Variants in ARMH1 observed in about 807,000 individuals in gnomAD.
The protein encoded by ARMH1 is armadillo like helical domain containing 1, also known as armadillo-like helical domain containing protein 1.
Under a neutral mutation model 50.2 loss-of-function variants are expected in ARMH1, and 34 were observed. The ratio of observed to expected loss-of-function variants is 0.68; its 90% CI spans 0.51 to 0.90. ARMH1 has a LOEUF of 0.90. ARMH1 is among the 40% of genes least tolerant of loss of function. The probability of loss-of-function intolerance (pLI) is 0.00; values close to 1 mark genes in which losing one functional copy is unlikely to be tolerated. For missense variants in ARMH1, 538 were observed against 553.9 expected, an observed-to-expected ratio of 0.97 and a Z score of 0.29; for synonymous variants, 221 against 224.2, an observed-to-expected ratio of 0.99 and a Z score of 0.13.
chr1:44,701,650 C>T lies in ARMH1; in HGVS notation c.639+531C>T, dbSNP rs541946604. Among the ~76,000 whole-genome samples, 6 of 152,110 alleles carry T rather than the reference C, an allele frequency of 3.9e-5. No homozygotes were observed. The East Asian group carries it at 7.7e-4, about 20-fold the overall frequency. On this transcript the variant is annotated intron_variant, in intron 5 of 11. Transcript: ENST00000535358. ...GTGGCTTTAAGATGAACCATCAGAC[C>T]GGGTGCAGTGGCTCAGGCCTGTAAT...
chr1:44,690,067 A>G (rs544999083), intron 2 of ARMH1, among the ~76,000 whole-genome samples, 164 bp downstream of exon 2: 6 of 152,046 alleles, frequency 3.9e-5, no homozygotes, highest in Non-Finnish European at 8.8e-5. Flanking sequence ...AAAATACAAA[A>G]ATTAGCCAGG....
rs1310435501 is a variant in ARMH1, at chr1:44,724,035, G to T, written c.725-87G>T. 22 of 1,483,828 alleles carry T rather than the reference G, an allele frequency of 1.5e-5. No individual in the cohort carries two copies. Among genetic ancestry groups the T allele is most frequent in the Non-Finnish European group, 1.8e-5 (20 of 1,106,376 alleles). 91.9% of individuals were successfully genotyped at this position (1,483,828 alleles called of 1,614,324 possible). On this transcript the variant is annotated intron_variant, in intron 6 of 11. Coordinates refer to ENST00000535358, the MANE Select transcript of ARMH1 (RefSeq NM_001145636.2). The surrounding 1 kb of genome is among the most constrained non-coding windows in gnomAD (Gnocchi z 6.4). ...ATCAGTAAAAGAGGAGGACACTGAC[G>T]AGTGGCGACTTGGTTCACGGGGTTC...
intron 1 of ARMH1, among the ~76,000 whole-genome samples, chr1:44,680,362 A>G (rs978319856): frequency 1.3e-5 from 2 of 152,188 alleles, no homozygotes. Flanking sequence ...TTTTTAGTAG[A>G]GACGGGATTT....
intron 1 of ARMH1, chr1:44,688,433 G>T (rs1245470619): frequency 6.6e-6 from 1 of 152,206 alleles, no homozygotes; most frequent in African/African-American, 2.4e-5. Flanking sequence ...TGTTAATTTA[G>T]AATCAATTTT....
At chr1:44,715,461 G>A (rs1215453286) in intron 6 of ARMH1, among the ~76,000 whole-genome samples, 1 of 152,222 alleles carries the variant, frequency 6.6e-6, no homozygotes, top group Admixed American at 6.5e-5. Context: ...AATGCTGATA[G>A]GCTGTGGATT....
intron 1 of ARMH1, among the ~76,000 whole-genome samples, chr1:44,679,638 G>A (rs2148565423): frequency 6.6e-6 from 1 of 152,336 alleles, no homozygotes; most frequent in Non-Finnish European, 1.5e-5. Flanking sequence ...CACCGCTGCT[G>A]ACATTGCTGT....
At chr1:44,694,509 C>CTTTTTTTTTT (rs10531731) in intron 2 of ARMH1, among the ~76,000 whole-genome samples, 1 of 113,678 alleles carries the variant, frequency 8.8e-6, no homozygotes, top group Non-Finnish European at 1.7e-5. Flanking sequence ...TTCTTTTTTT[C>CTTTTTTTTTT]TTTTTTTTTT....
intron 2 of ARMH1, among the ~76,000 whole-genome samples, chr1:44,693,203 G>A (rs1023960548): frequency 6.6e-6 from 1 of 152,138 alleles, no homozygotes; most frequent in Non-Finnish European, 1.5e-5. Flanking sequence ...AGTGGTCCCC[G>A]GGTTATGCTT....
intron 1 of ARMH1, chr1:44,688,103 C>A (rs2148600067): frequency 6.6e-6 from 1 of 152,386 alleles, no homozygotes; most frequent in South Asian, 2.1e-4. Flanking sequence ...CAGCCACAGC[C>A]TCCCTAGGTT....
At chr1:44,722,503 G>C (rs1424229025) in intron 6 of ARMH1, among the ~76,000 whole-genome samples, 2 of 151,262 alleles carry the variant, frequency 1.3e-5, no homozygotes, top group Non-Finnish European at 2.9e-5. Context: ...GGAGCACTTT[G>C]GGAGGCCTGA....
At chr1:44,725,100 G>A in intron 10 of ARMH1, 36 bp from the exon 11 acceptor site, 4 of 1,551,340 alleles carry the variant, frequency 2.6e-6, no homozygotes, top group South Asian at 1.2e-5. Context: ...GACTGCCCTG[G>A]CACCCCAGCC....
intron 4 of ARMH1, among the ~76,000 whole-genome samples, chr1:44,699,199 G>A (rs1343689029): frequency 3.4e-5 from 5 of 149,172 alleles, no homozygotes; most frequent in African/African-American, 4.9e-5. Flanking sequence ...TGGGAGAATC[G>A]CTTGAACCCG....
At chr1:44,714,045 G>A (rs531225648) in intron 6 of ARMH1, among the ~76,000 whole-genome samples, 11 of 152,062 alleles carry the variant, frequency 7.2e-5, no homozygotes, top group Non-Finnish European at 7.4e-5. Context: ...GGAGGCCGGC[G>A]GATCACGAGG....
intron 2 of ARMH1, among the ~76,000 whole-genome samples, chr1:44,693,789 T>G (rs988665812): frequency 5.9e-5 from 9 of 152,316 alleles, no homozygotes; most frequent in African/African-American, 2.2e-4. Context: ...TTGATTGTTT[T>G]AAATAGTGCA....
chr1:44,694,186 C>T (rs1645749173), intron 2 of ARMH1, among the ~76,000 whole-genome samples: 1 of 152,276 alleles, frequency 6.6e-6, no homozygotes, highest in Admixed American at 6.5e-5. Context: ...TGTTCTACAC[C>T]TAGAATTATT....
chr1:44,715,320 C>G (rs983631310), intron 6 of ARMH1, among the ~76,000 whole-genome samples: 6 of 152,198 alleles, frequency 3.9e-5, no homozygotes, highest in African/African-American at 1.4e-4. Flanking sequence ...CTCCTTCTGC[C>G]AAAGGAATAC....
Position 44,724,147 on chromosome 1 carries a change from C to G in ARMH1, c.750C>G (p.Val250=), listed in dbSNP as rs1055037005. ...CCATCGAGTTGATCAAAGACCTGGT[C>G]GGTTACGATGTGCGCCAGGCGCTGC... ...YEAIELIKDL[V]GYDVRQALLK... Residue 250 remains valine, a synonymous_variant, in exon 7 of 12, where the codon GTC becomes GTG. Coordinates refer to ENST00000535358, the MANE Select transcript of ARMH1 (RefSeq NM_001145636.2). This position sits in a 1 kb window ranked among gnomAD's most constrained non-coding sequence, Gnocchi z 6.4. 7 of 1,551,550 alleles carry G rather than the reference C, an allele frequency of 4.5e-6. No homozygotes were observed. The African/African-American group carries it at 6.8e-5, about 15-fold the overall frequency.
intron 6 of ARMH1, among the ~76,000 whole-genome samples, chr1:44,709,672 GAA>G (rs74359676): frequency 8.4e-5 from 11 of 131,078 alleles, no homozygotes; most frequent in East Asian, 2.2e-4. Context: ...CTCCATCTCA[GAA>G]AAAAAAAAAA....
At chr1:44,680,407 C>T (rs1248500952) in intron 1 of ARMH1, among the ~76,000 whole-genome samples, 1 of 152,226 alleles carries the variant, frequency 6.6e-6, no homozygotes, top group East Asian at 1.9e-4. Context: ...GAACTCCTGA[C>T]CTCATGATCC....
Sources: gnomAD v4.1 joint callset for allele counts (sites outside exome capture counted in the v4.1 genomes callset) on GRCh38, gnomAD v4.1.1 for gene constraint, Gnocchi (gnomAD v3.1) non-coding constraint, MANE v1.5 for transcripts, NCBI Gene and HGNC (gene_info 2026-07-23, HGNC 2026-07-21) for gene names.